ARHGAP32: variants seen among roughly 807,000 people sequenced by gnomAD.
ARHGAP32 encodes Rho GTPase activating protein 32.
Under a neutral mutation model 186.5 loss-of-function variants are expected in ARHGAP32, and 51 were observed. The observed-to-expected ratio is 0.27, with a 90% CI of 0.22 to 0.35. The LOEUF (loss-of-function observed/expected upper bound fraction) is 0.35. ARHGAP32 is among the 10% of genes least tolerant of loss of function. The pLI is 1.00. For missense variants in ARHGAP32, 2,186 were observed against 2,623.5 expected, an observed-to-expected ratio of 0.83 and a Z score of 3.64; for synonymous variants, 950 against 964.3, an observed-to-expected ratio of 0.99 and a Z score of 0.27.
intron 2 of ARHGAP32, among the ~76,000 whole-genome samples, chr11:129,152,954 T>C (rs1943321496): frequency 6.6e-6 from 1 of 152,172 alleles, no homozygotes; most frequent in Admixed American, 6.5e-5. Flanking sequence ...CTGTCGCTGT[T>C]TGCTGATGAT....
chr11:129,208,947 C>T lies in ARHGAP32; in HGVS notation c.-4-44520G>A, dbSNP rs530844277. Among the ~76,000 whole-genome samples, 10 of 152,198 alleles carry T rather than the reference C, an allele frequency of 6.6e-5. No homozygotes were observed. In the South Asian group the frequency reaches 2.1e-3, roughly 32 times the overall value. On this transcript the variant is annotated intron_variant, in intron 1 of 6. Transcript: ENST00000525234. Reference sequence around the variant, plus strand: ...TATAATCCTTCAATAACTATATAGTCTAACATTCAAGAGCTTAATAACAAA... The same window carrying T: ...TATAATCCTTCAATAACTATATAGTTTAACATTCAAGAGCTTAATAACAAA...
intron 10 of ARHGAP32, among the ~76,000 whole-genome samples, chr11:129,046,709 A>G (rs774206853): frequency 6.6e-6 from 1 of 152,198 alleles, no homozygotes; most frequent in Non-Finnish European, 1.5e-5. Context: ...ATAAGCCTGG[A>G]GCTTTGGAAA....
At chr11:129,082,460 C>A (rs1454548023) in intron 6 of ARHGAP32, among the ~76,000 whole-genome samples, 1 of 152,052 alleles carries the variant, frequency 6.6e-6, no homozygotes, top group African/African-American at 2.4e-5. Flanking sequence ...ATACAGCTAA[C>A]TGATCTTTGA....
intron 11 of ARHGAP32, among the ~76,000 whole-genome samples, chr11:129,028,956 A>C (rs1938980098): frequency 6.6e-6 from 1 of 152,230 alleles, no homozygotes; most frequent in Admixed American, 6.5e-5. Context: ...CACAGGGAGA[A>C]ATACTATACT....
chr11:129,093,548 A>T (rs949453319), intron 6 of ARHGAP32, 73 bp downstream of exon 6: 1 of 1,038,138 alleles, frequency 9.6e-7, no homozygotes, highest in African/African-American at 1.6e-5. Context: ...ATCACGTTAT[A>T]GAAATAAATT....
chr11:129,182,421 T>C (rs1944075633), intron 1 of ARHGAP32, among the ~76,000 whole-genome samples: 1 of 152,158 alleles, frequency 6.6e-6, no homozygotes, highest in African/African-American at 2.4e-5. Context: ...TTCAGGTATT[T>C]TTCCCAGGTC....
intron 1 of ARHGAP32, among the ~76,000 whole-genome samples, chr11:129,278,988 G>A (rs1221004017): frequency 2.7e-5 from 4 of 147,778 alleles, no homozygotes; most frequent in East Asian, 2.0e-4. Flanking sequence ...GGGGCCGGGG[G>A]CGGGGGGACA....
chr11:129,069,857 C>G (rs576998880), intron 6 of ARHGAP32, among the ~76,000 whole-genome samples: 1 of 152,088 alleles, frequency 6.6e-6, no homozygotes, highest in East Asian at 1.9e-4. Flanking sequence ...GTCAAGATCA[C>G]TGAAATGTAG....
At chr11:129,253,111 A>G (rs907359449) in intron 1 of ARHGAP32, among the ~76,000 whole-genome samples, 2 of 152,202 alleles carry the variant, frequency 1.3e-5, no homozygotes, top group Admixed American at 6.5e-5. Flanking sequence ...GTATAAAAGT[A>G]TAACTCTACA....
chr11:128,972,342 G>A (rs2136071759), intron 22 of ARHGAP32, 111 bp downstream of exon 22: 1 of 1,268,296 alleles, frequency 7.9e-7, no homozygotes, highest in Non-Finnish European at 1.1e-6. Context: ...CAGCCACAGG[G>A]CTTAAAAGTA....
chr11:129,265,305 G>T lies in ARHGAP32; in HGVS notation c.-5+13841C>A, dbSNP rs576517525. 2.6e-5 allele frequency among the ~76,000 whole-genome samples: 4 copies of T among 152,268 alleles called. 1 individual carries two copies. The South Asian group carries it at 6.2e-4, about 24-fold the overall frequency. Reference sequence around the variant, plus strand: ...GACTACTCAGAACTCTTACAGCAGGGTTTCTCAACCTTGGCGCTACTGACA... The same window carrying T: ...GACTACTCAGAACTCTTACAGCAGGTTTTCTCAACCTTGGCGCTACTGACA... On this transcript the variant is annotated intron_variant, in intron 1 of 6. Transcript: ENST00000525234.
intron 1 of ARHGAP32, among the ~76,000 whole-genome samples, chr11:129,181,335 T>C (rs1457109915): frequency 6.6e-6 from 1 of 152,126 alleles, no homozygotes; most frequent in Non-Finnish European, 1.5e-5. Flanking sequence ...TGTGTACAAA[T>C]ATGCCTCAAT....
intron 1 of ARHGAP32, among the ~76,000 whole-genome samples, chr11:129,251,867 G>C (rs557160777): frequency 1.3e-5 from 2 of 150,984 alleles, no homozygotes; most frequent in South Asian, 4.2e-4. Context: ...CCCAGGAGGC[G>C]GAGGTTGCAG....
chr11:129,067,163 G>C (rs1940720466), intron 6 of ARHGAP32, among the ~76,000 whole-genome samples: 1 of 151,938 alleles, frequency 6.6e-6, no homozygotes, highest in Non-Finnish European at 1.5e-5. Context: ...AAAATAACAT[G>C]TGATTTTAAA....
intron 2 of ARHGAP32, among the ~76,000 whole-genome samples, chr11:129,159,392 A>G (rs1943481356): frequency 6.6e-6 from 1 of 152,202 alleles, no homozygotes; most frequent in Admixed American, 6.5e-5. Flanking sequence ...TCCCACAGAA[A>G]TACAAACTAC....
chr11:128,967,161 ATT>A lies in ARHGAP32; in HGVS notation c.*1744_*1745del, dbSNP rs1164273665. The A allele has an allele frequency of 6.6e-6, 1 of 152,124 alleles. No individual in the cohort carries two copies. The highest frequency in any genetic ancestry group is 1.5e-5 in the Non-Finnish European group (1 of 68,000). 9.4% of individuals were successfully genotyped at this position (152,124 alleles called of 1,614,324 possible). A position where few individuals can be genotyped will look rare whatever the true frequency, so the allele number is the denominator to read the frequency against. ...CAATGTGTTGTTCTTGAAACATTTT[ATT>A]TTTTTCTAAATATAAACCCTTAAAA... On this transcript the variant is annotated 3_prime_UTR_variant, in exon 23 of 23. Transcript: ENST00000682385.
chr11:129,273,655 T>C (rs537118093), intron 1 of ARHGAP32, among the ~76,000 whole-genome samples: 1 of 152,308 alleles, frequency 6.6e-6, no homozygotes, highest in South Asian at 2.1e-4. Flanking sequence ...ATGCTACTCA[T>C]CTTAAGAGTC....
intron 5 of ARHGAP32, among the ~76,000 whole-genome samples, chr11:129,117,818 G>A (rs534905938): frequency 3.8e-4 from 57 of 150,526 alleles, no homozygotes; most frequent in African/African-American, 1.4e-3. Flanking sequence ...CAGGAACAGC[G>A]CTGCCTCAAA....
chr11:129,187,770 A>G lies in ARHGAP32; in HGVS notation c.116+4313T>C, dbSNP rs902067741. Among the ~76,000 whole-genome samples, 5 of 152,208 alleles carry G rather than the reference A, an allele frequency of 3.3e-5. 1 individual carries two copies. Among genetic ancestry groups the G allele is most frequent in the South Asian group, 4.1e-4 (2 of 4,836 alleles). On this transcript the variant is annotated intron_variant, in intron 1 of 22. Transcript: ENST00000682385. ...TGTTTCTTCAAGGTTACAAAACAAT[A>G]TAAGTTGTAGCTTTTTGGGCAAAAT...
Sources: gnomAD v4.1 joint callset for allele counts (sites outside exome capture counted in the v4.1 genomes callset) on GRCh38, gnomAD v4.1.1 for gene constraint, MANE v1.5 for transcripts, NCBI Gene and HGNC (gene_info 2026-07-23, HGNC 2026-07-21) for gene names.